Variants in SVEP1 observed in about 807,000 individuals in gnomAD.
SVEP1 encodes the protein sushi, von Willebrand factor type A, EGF and pentraxin domain-containing protein 1.
A neutral mutation model predicts 367.3 loss-of-function variants in SVEP1; 164 were observed. That is an observed-to-expected ratio of 0.45 (90% CI 0.39 to 0.51). The LOEUF (loss-of-function observed/expected upper bound fraction) is 0.51. SVEP1 is among the 20% of genes least tolerant of loss of function. The pLI, the probability that SVEP1 is intolerant of heterozygous loss-of-function variation, is 0.00. For missense variants in SVEP1, 4,117 were observed against 4,425.3 expected (o/e 0.93, Z 1.98); for synonymous variants, 1,666 against 1,611.6 (o/e 1.03, Z -0.81).
intron 14 of SVEP1, among the ~76,000 whole-genome samples, chr9:110,475,665 A>G (rs1447906680): frequency 6.6e-6 from 1 of 151,926 alleles, no homozygotes; most frequent in Non-Finnish European, 1.5e-5. Context: ...CCCCCTAAGT[A>G]GCTGGGACTA....
At chr9:110,521,767 G>T (rs996136309) in intron 3 of SVEP1, among the ~76,000 whole-genome samples, 5 of 152,098 alleles carry the variant, frequency 3.3e-5, no homozygotes, top group African/African-American at 1.2e-4. Context: ...AGTACTTTTA[G>T]GAGAGGCCCT....
chr9:110,481,012 T>C (rs1564154854), intron 12 of SVEP1, among the ~76,000 whole-genome samples: 1 of 152,180 alleles, frequency 6.6e-6, no homozygotes, highest in Non-Finnish European at 1.5e-5. Flanking sequence ...AGGGCTCAGA[T>C]GGTTCTGCCT....
intron 38 of SVEP1, 123 bp from the exon 39 acceptor site, chr9:110,404,675 C>A (rs1418862255): frequency 2.3e-6 from 2 of 869,970 alleles, no homozygotes; most frequent in Admixed American, 2.1e-5. Context: ...TTGATTGTTG[C>A]ACAATCAATA....
chr9:110,400,381 T>A (rs55947815), intron 40 of SVEP1, among the ~76,000 whole-genome samples: 2 of 151,802 alleles, frequency 1.3e-5, no homozygotes, highest in Admixed American at 1.3e-4. Context: ...TTTTTTTTTT[T>A]CTTTGAGATG....
chr9:110,458,117 T>TAG (rs1205321437), intron 20 of SVEP1: 1 of 501,426 alleles, frequency 2.0e-6, no homozygotes, highest in Non-Finnish European at 3.9e-6. Context: ...TGGGTAACTC[T>TAG]GCCTGCCAAT....
At chr9:110,461,578 T>C (rs567594557) in intron 18 of SVEP1, among the ~76,000 whole-genome samples, 1 of 151,948 alleles carries the variant, frequency 6.6e-6, no homozygotes, top group Non-Finnish European at 1.5e-5. Context: ...TGTCATAGCA[T>C]CTTTTTTTAA....
At chr9:110,535,289 CTTGT>C (rs1830065294) in intron 3 of SVEP1, among the ~76,000 whole-genome samples, 1 of 151,992 alleles carries the variant, frequency 6.6e-6, no homozygotes, top group Non-Finnish European at 1.5e-5. Flanking sequence ...TTCCCCATAT[CTTGT>C]TTTTGTCCAT....
chr9:110,486,056 C>G (rs985218204), intron 9 of SVEP1, among the ~76,000 whole-genome samples: 9 of 152,134 alleles, frequency 5.9e-5, no homozygotes, highest in Non-Finnish European at 1.0e-4. Flanking sequence ...CTCTTTTGCT[C>G]ATGTTTGGAT....
chr9:110,407,256 T>A lies in SVEP1; in HGVS notation c.8344A>T (p.Met2782Leu). ...AISCKKPNPV[M>L]NGSIKGSNYT... Reference sequence around the variant, plus strand: ...TTGCTTCCTTTGATGGATCCATTCATGACTGGATTTGGCTTTTTGCATGAA... The same window carrying A: ...TTGCTTCCTTTGATGGATCCATTCAAGACTGGATTTGGCTTTTTGCATGAA... Residue 2782 changes from methionine to leucine, a missense_variant, in exon 38 of 48, where the codon ATG (methionine) becomes TTG (leucine). By Grantham distance (15) the Met-to-Leu change is conservative. Transcript: ENST00000374469. 1.2e-6 allele frequency: 2 copies of A among 1,614,006 alleles called. No homozygotes were observed. The highest frequency in any genetic ancestry group is 1.7e-6 in the Non-Finnish European group (2 of 1,179,894).
chr9:110,430,282 T>C lies in SVEP1; in HGVS notation c.5522A>G (p.Tyr1841Cys), dbSNP rs759910982. The change falls in exon 33 of 48, where the codon TAT becomes TGT. Residue 1841 changes from tyrosine (Y) to cysteine (C), a missense_variant. Tyr to Cys is a radical substitution (Grantham distance 194). This residue lies in a region of SVEP1 where 2,174 missense variants were observed against 2,494.3 expected (regional missense o/e 0.87). Transcript: ENST00000374469. ...AAATTTACTAAACATACCTTTACAA[T>C]ATGGTATTAGATGATTCCATTCTCC... is the stretch of plus-strand genomic sequence containing the variant. ...ESGEWNHLIP[Y>C]CKAVSCGKPA... 4 of 1,611,878 alleles carry C rather than the reference T, an allele frequency of 2.5e-6. No homozygotes were observed. The highest frequency in any genetic ancestry group is 1.1e-5 in the South Asian group (1 of 90,646).
intron 6 of SVEP1, among the ~76,000 whole-genome samples, chr9:110,500,560 T>G (rs1429868876): frequency 1.3e-5 from 2 of 152,216 alleles, no homozygotes; most frequent in Non-Finnish European, 2.9e-5. Context: ...AAATACATTC[T>G]CTTCCAGGTT....
intron 18 of SVEP1, among the ~76,000 whole-genome samples, chr9:110,463,155 AG>A (rs892955082): frequency 6.6e-6 from 1 of 151,978 alleles, no homozygotes; most frequent in Non-Finnish European, 1.5e-5. Context: ...TCAGGGTAAA[AG>A]GTGGTGTCAT....
intron 36 of SVEP1, among the ~76,000 whole-genome samples, chr9:110,425,196 C>CTA (rs1166867776): frequency 1.3e-5 from 2 of 151,954 alleles, no homozygotes; most frequent in African/African-American, 4.8e-5. Context: ...CAGAAAAAGA[C>CTA]TACACGTGGT....
intron 9 of SVEP1, among the ~76,000 whole-genome samples, chr9:110,484,896 G>T: frequency 6.6e-6 from 1 of 152,094 alleles, no homozygotes; most frequent in Non-Finnish European, 1.5e-5. Flanking sequence ...ACCATCTCAC[G>T]TCAGTCAGAA....
chr9:110,412,013 A>C (rs1459394374), intron 36 of SVEP1, among the ~76,000 whole-genome samples: 7 of 152,230 alleles, frequency 4.6e-5, no homozygotes, highest in Non-Finnish European at 8.8e-5. Context: ...CTTATTGATC[A>C]AATGACTTGC....
At chr9:110,521,208 T>C (rs1261089860) in intron 3 of SVEP1, among the ~76,000 whole-genome samples, 7 of 152,314 alleles carry the variant, frequency 4.6e-5, no homozygotes, top group Non-Finnish European at 8.8e-5. Flanking sequence ...CAAGATCCTT[T>C]CTATTTTCCT....
intron 12 of SVEP1, among the ~76,000 whole-genome samples, chr9:110,480,146 A>G (rs1829163002): frequency 6.6e-6 from 1 of 152,224 alleles, no homozygotes; most frequent in African/African-American, 2.4e-5. Flanking sequence ...AAAAATAGGC[A>G]TTGAAACATT....
At chr9:110,410,507 G>T (rs1406311560) in intron 37 of SVEP1, among the ~76,000 whole-genome samples, 2 of 152,056 alleles carry the variant, frequency 1.3e-5, no homozygotes, top group Admixed American at 6.6e-5. Flanking sequence ...ATAAAATAAA[G>T]CATATATCCA....
chr9:110,454,865 C>T, intron 22 of SVEP1, among the ~76,000 whole-genome samples: 1 of 152,102 alleles, frequency 6.6e-6, no homozygotes, highest in South Asian at 2.1e-4. Context: ...ATTCTCACTA[C>T]CTGGGTGATG....
Sources: gnomAD v4.1 joint callset for allele counts (sites outside exome capture counted in the v4.1 genomes callset) on GRCh38, gnomAD v4.1.1 for gene constraint, gnomAD v4.1.1 regional missense constraint, MANE v1.5 for transcripts, NCBI Gene and HGNC (gene_info 2026-07-23, HGNC 2026-07-21) for gene names.